SLC17A3: variants seen among roughly 807,000 people sequenced by gnomAD.
The protein encoded by SLC17A3 is solute carrier family 17 member 3, also known as sodium-dependent phosphate transport protein 4.
In SLC17A3, 61 loss-of-function variants were observed where a neutral mutation model predicts 60.3. The observed-to-expected ratio is 1.01, with a 90% CI of 0.82 to 1.25. The LOEUF is 1.25. Ranked by LOEUF, SLC17A3 falls within the 50% of genes most tolerant of loss-of-function variation. The probability of loss-of-function intolerance (pLI) is 0.00; values close to 1 mark genes in which losing one functional copy is unlikely to be tolerated. For missense variants in SLC17A3, 624 were observed against 594.9 expected (o/e 1.05, Z -0.51); for synonymous variants, 192 against 208.9 (o/e 0.92, Z 0.70).
At chr6:25,847,510 C>A (rs1035790891) in intron 11 of SLC17A3, among the ~76,000 whole-genome samples, 9 of 152,118 alleles carry the variant, frequency 5.9e-5, no homozygotes, top group Non-Finnish European at 4.4e-5. Context: ...AACGGTTGAA[C>A]TAATTTACAC....
rs373256050 is a variant in SLC17A3 at position 25,861,788 on chromosome 6, T to C, written c.537+8A>G. 225 of 1,612,396 alleles carry C rather than the reference T, an allele frequency of 1.4e-4. No homozygotes were observed. Among genetic ancestry groups the C allele is most frequent in the Non-Finnish European group, 1.8e-4 (216 of 1,178,596 alleles). Reference sequence around the variant, plus strand: ...ATATCCAACTCAGATTTATAAAATATTGGGTACCTGGCTTAGGCCCTGGAC... The same window carrying C: ...ATATCCAACTCAGATTTATAAAATACTGGGTACCTGGCTTAGGCCCTGGAC... On this transcript the variant is annotated splice_region_variant and intron_variant, in intron 4 of 12. Coordinates refer to ENST00000397060, the MANE Select transcript of SLC17A3 (RefSeq NM_001098486.2).
intron 2 of SLC17A3, among the ~76,000 whole-genome samples, chr6:25,864,990 G>A (rs1046108315): frequency 6.6e-6 from 1 of 151,902 alleles, no homozygotes; most frequent in Non-Finnish European, 1.5e-5. Context: ...GGAAGCCAAG[G>A]GGACAAGAGT....
chr6:25,848,776 C>T (rs993822861), intron 11 of SLC17A3, among the ~76,000 whole-genome samples: 1 of 152,096 alleles, frequency 6.6e-6, no homozygotes, highest in Admixed American at 6.5e-5. Context: ...AGCTTTTGCA[C>T]AGCAAAAGAA....
At chr6:25,864,010 T>A (rs1467874827) in intron 2 of SLC17A3, among the ~76,000 whole-genome samples, 3 of 152,004 alleles carry the variant, frequency 2.0e-5, no homozygotes, top group Non-Finnish European at 2.9e-5. Context: ...AGGTGATAAA[T>A]GCTGTAGAGA....
At chr6:25,849,134 C>T (rs1442682275) in intron 11 of SLC17A3, among the ~76,000 whole-genome samples, 1 of 152,134 alleles carries the variant, frequency 6.6e-6, no homozygotes, top group Non-Finnish European at 1.5e-5. Context: ...CCCAAGACAC[C>T]TATGCAGCTG....
intron 11 of SLC17A3, among the ~76,000 whole-genome samples, chr6:25,847,441 C>T (rs557409718): frequency 6.6e-6 from 1 of 152,248 alleles, no homozygotes; most frequent in East Asian, 1.9e-4. Context: ...AATGGAATTG[C>T]TGCGTAGAAT....
chr6:25,852,153 ATGT>A, intron 6 of SLC17A3, among the ~76,000 whole-genome samples: 1 of 151,786 alleles, frequency 6.6e-6, no homozygotes, highest in East Asian at 1.9e-4. Flanking sequence ...TACTTTAAAG[ATGT>A]TGTTCCACTG....
intron 3 of SLC17A3, 33 bp from the exon 4 acceptor site, chr6:25,862,062 T>C (rs1298791194): frequency 6.5e-7 from 1 of 1,537,946 alleles, no homozygotes; most frequent in East Asian, 2.3e-5. Context: ...TAGTAAACCT[T>C]ACACAAAAAG....
Position 25,845,780 on chromosome 6 carries a change from A to C in SLC17A3, c.1363-264T>G, listed in dbSNP as rs1200890072. On this transcript the variant is annotated intron_variant, in intron 11 of 12. Coordinates refer to ENST00000397060, the MANE Select transcript of SLC17A3 (RefSeq NM_001098486.2). ...TGCCATACATTTTCTCTTTTGCATG[A>C]ATCTCGACTATATAAACTATGCTGA... Among the ~76,000 whole-genome samples, 4 of 152,334 alleles carry C rather than the reference A, an allele frequency of 2.6e-5. No individual in the cohort carries two copies. The South Asian group carries it at 6.2e-4, about 24-fold the overall frequency.
In SLC17A3 at chr6:25,850,030, C is replaced by G. The variant is rs373332733; in HGVS notation, c.1123+18G>C. On this transcript the variant is annotated intron_variant, in intron 9 of 12. Coordinates refer to ENST00000397060, the MANE Select transcript of SLC17A3 (RefSeq NM_001098486.2). ...TGTATGCTACGCAAATTATCTGACCCTCAAGCTCTGTTCTTACCTAAAATT... is the reference window on the plus strand; with the variant it reads ...TGTATGCTACGCAAATTATCTGACCGTCAAGCTCTGTTCTTACCTAAAATT... 3.1e-6 allele frequency: 5 copies of G among 1,613,824 alleles called. No homozygotes were observed. The African/African-American group carries it at 5.3e-5, about 17-fold the overall frequency.
chr6:25,864,095 T>C (rs761393093), intron 2 of SLC17A3, among the ~76,000 whole-genome samples: 3 of 151,856 alleles, frequency 2.0e-5, no homozygotes, highest in Admixed American at 6.6e-5. Flanking sequence ...GGAAAGAACA[T>C]AACAAGTAGA....
intron 6 of SLC17A3, among the ~76,000 whole-genome samples, chr6:25,852,779 T>C (rs146453224): frequency 1.3e-5 from 2 of 152,340 alleles, no homozygotes; most frequent in Non-Finnish European, 2.9e-5. Context: ...CTAAAATCTC[T>C]GTCAGCTCTG....
At chr6:25,850,232 T>C in intron 8 of SLC17A3, 55 bp from the exon 9 acceptor site, 1 of 1,560,652 alleles carries the variant, frequency 6.4e-7, no homozygotes, top group East Asian at 2.3e-5. Context: ...GACCACAACT[T>C]TTGTTGATAA....
At chr6:25,871,482 C>A (rs1372117502) in intron 1 of SLC17A3, among the ~76,000 whole-genome samples, 25 of 119,242 alleles carry the variant, frequency 2.1e-4, no homozygotes, top group African/African-American at 7.3e-4. Flanking sequence ...CACACCAGGG[C>A]CTGTTGTGGG....
At chr6:25,861,492 C>G (rs1229367655) in intron 5 of SLC17A3, 132 bp downstream of exon 5, 1 of 774,366 alleles carries the variant, frequency 1.3e-6, no homozygotes, top group Non-Finnish European at 2.2e-6. Context: ...GACAAAGGAC[C>G]AGTCTTTTTA....
At chr6:25,859,787 C>G (rs1319482630) in intron 5 of SLC17A3, among the ~76,000 whole-genome samples, 2 of 152,164 alleles carry the variant, frequency 1.3e-5, no homozygotes, top group Non-Finnish European at 2.9e-5. Context: ...CTTGAACATT[C>G]TGCACACTTG....
In SLC17A3 at chr6:25,849,870, G is replaced by C. The variant is rs1419467272; in HGVS notation, c.1206C>G (p.Leu402=). Residue 402 remains leucine, a synonymous_variant, in exon 10 of 13, where the codon CTC becomes CTG. Coordinates refer to ENST00000397060, the MANE Select transcript of SLC17A3 (RefSeq NM_001098486.2). The part of the protein sequence containing the change: ...GYITATALLT[L]SCGLSTLCQS... ...GACACAATGTGCTTAATCCGCAAGA[G>C]AGCGTCAGCAAGGCAGTTGCTGTGA... 6.2e-7 allele frequency: 1 copy of C among 1,613,934 alleles called. No homozygotes were observed. The highest frequency in any genetic ancestry group is 8.5e-7 in the Non-Finnish European group (1 of 1,179,896).
Position 25,861,797 on chromosome 6 carries a change from T to A in SLC17A3, c.536A>T (p.Gln179Leu). Residue 179 changes from glutamine (Q) to leucine (L), a missense_variant and splice_region_variant, in exon 4 of 13, where the codon CAG (glutamine) becomes CTG (leucine). Transcript: ENST00000397060. ...IVTRIVQGLS[Q>L]SSILGGQFAI... is the part of the protein sequence containing the mutation. ...TCAGATTTATAAAATATTGGGTACC[T>A]GGCTTAGGCCCTGGACTATTCGAGT... The A allele has an allele frequency of 1.2e-6, 2 of 1,613,230 alleles. No homozygotes were observed. The highest frequency in any genetic ancestry group is 2.2e-5 in the South Asian group (2 of 91,064).
chr6:25,848,671 C>T (rs933488463), intron 11 of SLC17A3, among the ~76,000 whole-genome samples: 20 of 152,110 alleles, frequency 1.3e-4, no homozygotes, highest in Non-Finnish European at 2.2e-4. Context: ...CAGAAAAACC[C>T]TTCTAGACAC....
Sources: allele counts gnomAD v4.1 joint callset (sites outside exome capture counted in the v4.1 genomes callset), GRCh38; gene constraint gnomAD v4.1.1; transcripts MANE v1.5; gene names NCBI Gene and HGNC (gene_info 2026-07-23, HGNC 2026-07-21).